The following DOCK6 variants were observed in gnomAD, a reference collection of about 807,000 sequenced individuals.
DOCK6 encodes dedicator of cytokinesis protein 6.
DOCK6 carries 167 observed loss-of-function variants against 230.3 expected under a neutral mutation model. The ratio of observed to expected loss-of-function variants is 0.73; its 90% CI spans 0.64 to 0.82. The LOEUF (loss-of-function observed/expected upper bound fraction) is 0.82. Ranked by LOEUF, DOCK6 falls within the 40% of genes least tolerant of loss-of-function variation. The pLI is 0.00. For missense variants in DOCK6, 2,598 were observed against 2,825.8 expected, an observed-to-expected ratio of 0.92 and a Z score of 1.83; for synonymous variants, 1,148 against 1,185.0, an observed-to-expected ratio of 0.97 and a Z score of 0.64.
chr19:11,262,314 G>T, intron 1 of DOCK6, 83 bp downstream of exon 1: 1 of 897,510 alleles, frequency 1.1e-6, no homozygotes, highest in Non-Finnish European at 1.4e-6. Flanking sequence ...AATTGGGGGC[G>T]CCCGGGCGGG....
chr19:11,212,709 C>T (rs1019696667), intron 35 of DOCK6, among the ~76,000 whole-genome samples: 1 of 151,112 alleles, frequency 6.6e-6, no homozygotes, highest in East Asian at 1.9e-4. Flanking sequence ...ATTACAGGCA[C>T]CCGCCACCAT....
Position 11,227,330 on chromosome 19 carries a change from C to G in DOCK6, c.2955+7G>C. On this transcript the variant is annotated splice_region_variant and intron_variant, in intron 24 of 47. Coordinates refer to ENST00000294618, the MANE Select transcript of DOCK6 (RefSeq NM_020812.4). ...TTCTTCCCACATTGAGACCCTGCAT[C>G]TCTCACCTTGTGGACACGGGTGATG... The G allele has an allele frequency of 6.2e-7, 1 of 1,613,494 alleles. No homozygotes were observed. The highest frequency in any genetic ancestry group is 1.1e-5 in the South Asian group (1 of 91,078).
At chr19:11,223,552 T>C (rs1377416184) in intron 24 of DOCK6, among the ~76,000 whole-genome samples, 2 of 152,202 alleles carry the variant, frequency 1.3e-5, no homozygotes, top group African/African-American at 4.8e-5. Context: ...AAATAAGCTA[T>C]GGTTATTTAA....
chr19:11,245,774 AGAAG>A (rs2080022788), intron 8 of DOCK6, 34 bp downstream of exon 8: 2 of 1,600,396 alleles, frequency 1.2e-6, no homozygotes, highest in Non-Finnish European at 1.7e-6. Context: ...CCCAACAAGG[AGAAG>A]GAAGGGGAGG....
chr19:11,219,174 GTTTTTTTTTTTTT>G (rs778505119), intron 28 of DOCK6, among the ~76,000 whole-genome samples: 2 of 77,274 alleles, frequency 2.6e-5, no homozygotes, highest in African/African-American at 7.3e-5. Flanking sequence ...ACTGCGCCCG[GTTTTTTTTTTTTT>G]TTTTTTTTTT....
intron 1 of DOCK6, 30 bp downstream of exon 1, chr19:11,262,367 A>G: frequency 1.0e-6 from 1 of 957,242 alleles, no homozygotes; most frequent in Non-Finnish European, 1.3e-6. Flanking sequence ...CACGTGGGGG[A>G]GGTGGGAGGG....
chr19:11,210,342 C>G (rs1003465706), intron 37 of DOCK6, among the ~76,000 whole-genome samples: 3 of 150,914 alleles, frequency 2.0e-5, no homozygotes, highest in Non-Finnish European at 4.4e-5. Context: ...CTTCACCTGT[C>G]TCCTTATCTG....
intron 22 of DOCK6, among the ~76,000 whole-genome samples, chr19:11,230,147 C>G (rs749111186): frequency 6.6e-6 from 1 of 150,794 alleles, no homozygotes; most frequent in Non-Finnish European, 1.5e-5. Flanking sequence ...TCCTAGTCAA[C>G]ATGGTGAATG....
Position 11,222,993 on chromosome 19 carries a change from C to T in DOCK6, c.3069G>A (p.Gln1023=). ...VFSLVRAHYK[Q]VATRLQSSPN... ...CCACCCTGCCCACGCCCACTCCTACCTGCTTGTAGTGGGCCCGGACCAGGC... is the reference window on the plus strand; with the variant it reads ...CCACCCTGCCCACGCCCACTCCTACTTGCTTGTAGTGGGCCCGGACCAGGC... The change falls in exon 25 of 48, where the codon CAG becomes CAA. Residue 1023 remains glutamine (Q), a splice_region_variant and synonymous_variant. Transcript: ENST00000294618. This position sits in a 1 kb window ranked among gnomAD's most constrained non-coding sequence, Gnocchi z 4.0. 2 of 1,613,862 alleles carry T rather than the reference C, an allele frequency of 1.2e-6. No homozygotes were observed. The highest frequency in any genetic ancestry group is 1.7e-6 in the Non-Finnish European group (2 of 1,179,864).
At chr19:11,240,424 CCAGA>C (rs1027131440) in intron 14 of DOCK6, 7 of 952,180 alleles carry the variant, frequency 7.4e-6, no homozygotes, top group South Asian at 2.0e-5. Flanking sequence ...CTGCATGTCC[CCAGA>C]CAAAACTCAA....
intron 21 of DOCK6, among the ~76,000 whole-genome samples, chr19:11,233,913 C>A (rs2079808203): frequency 6.6e-6 from 1 of 151,944 alleles, no homozygotes; most frequent in South Asian, 2.1e-4. Flanking sequence ...CAGCTCACTG[C>A]AACCTCTGCC....
At position 11,202,202 on chromosome 19, in the gene DOCK6, T is replaced by C; in HGVS notation, c.5452-77A>G. 1 of 1,496,804 alleles carries C rather than the reference T, an allele frequency of 6.7e-7. No individual in the cohort carries two copies. Among genetic ancestry groups the C allele is most frequent in the Non-Finnish European group, 9.2e-7 (1 of 1,087,028 alleles). The allele number at this position is 1,496,804 out of a possible 1,614,324, so 92.7% of individuals were successfully genotyped here. A position where few individuals can be genotyped will look rare whatever the true frequency, so the allele number is the denominator to read the frequency against. On this transcript the variant is annotated intron_variant, in intron 43 of 47. Transcript: ENST00000294618. The surrounding 1 kb of genome is among the most constrained non-coding windows in gnomAD (Gnocchi z 5.3). ...AAGCCCTGTTCCTGGAGAGAGGGGA[T>C]CTGGGGACTTTGTCATTTCCAAGTC...
In DOCK6 at chr19:11,247,895, C is replaced by T. The variant is rs115261503; in HGVS notation, c.806+171G>A. ...AATTGGCACTTAAGGATTGGAGACT[C>T]GGGATAATGAAAAAGGAAGTCTTCC... On this transcript the variant is annotated intron_variant, in intron 7 of 47. Transcript: ENST00000294618. 7.3e-4 allele frequency: 444 copies of T among 605,540 alleles called. 3 individuals carry two copies. Among genetic ancestry groups the T allele is most frequent in the African/African-American group, 7.0e-3 (384 of 54,748 alleles). 37.5% of individuals were successfully genotyped at this position (605,540 alleles called of 1,614,324 possible).
chr19:11,206,866 CAG>C (rs2079270690), intron 39 of DOCK6, among the ~76,000 whole-genome samples: 1 of 150,616 alleles, frequency 6.6e-6, no homozygotes, highest in Non-Finnish European at 1.5e-5. Context: ...TTTTTGGAGA[CAG>C]AGTCTTGCTC....
Position 11,209,212 on chromosome 19 carries a change from A to G in DOCK6, c.4752-109T>C, listed in dbSNP as rs961606196. ...GGTTACCCCCATGTCCGCCCCAAGGACCAGCCAATCTCCTCACCTGTACCC... is the reference window on the plus strand; with the variant it reads ...GGTTACCCCCATGTCCGCCCCAAGGGCCAGCCAATCTCCTCACCTGTACCC... On this transcript the variant is annotated intron_variant, in intron 37 of 47. Coordinates refer to ENST00000294618, the MANE Select transcript of DOCK6 (RefSeq NM_020812.4). The G allele has an allele frequency of 7.6e-6, 10 of 1,316,372 alleles. No homozygotes were observed. The African/African-American group carries it at 1.3e-4, about 17-fold the overall frequency. 81.5% of individuals were successfully genotyped at this position (1,316,372 alleles called of 1,614,324 possible).
Position 11,243,288 on chromosome 19 carries a change from G to C in DOCK6, c.1356C>G (p.Ala452=). Residue 452 remains alanine, a synonymous_variant, in exon 12 of 48, where the codon GCC becomes GCG. Transcript: ENST00000294618. This position sits in a 1 kb window ranked among gnomAD's most constrained non-coding sequence, Gnocchi z 6.3. ...DACSFSGFRP[A]TLTVTNFFKQ... ...TAAAGAAGTTTGTGACAGTTAGCGTGGCTGGACGGAAGCCAGAGAAGCTGC... is the reference window on the plus strand; with the variant it reads ...TAAAGAAGTTTGTGACAGTTAGCGTCGCTGGACGGAAGCCAGAGAAGCTGC... 1 of 1,607,270 alleles carries C rather than the reference G, an allele frequency of 6.2e-7. No homozygotes were observed.
At position 11,236,186 on chromosome 19, in the gene DOCK6, G is replaced by A; in HGVS notation, c.2392+160C>T. On this transcript the variant is annotated intron_variant, in intron 20 of 47. Coordinates refer to ENST00000294618, the MANE Select transcript of DOCK6 (RefSeq NM_020812.4). The surrounding 1 kb of genome is among the most constrained non-coding windows in gnomAD (Gnocchi z 5.2). ...TGAACCGCTGCACCCGGGCCAAAGGGTCACAGAAGACCTTCTCTGGGTGCA... is the reference window on the plus strand; with the variant it reads ...TGAACCGCTGCACCCGGGCCAAAGGATCACAGAAGACCTTCTCTGGGTGCA... The A allele has an allele frequency of 1.3e-6, 1 of 755,172 alleles. No individual in the cohort carries two copies. Among genetic ancestry groups the A allele is most frequent in the Non-Finnish European group, 2.1e-6 (1 of 478,990 alleles). 46.8% of individuals were successfully genotyped at this position (755,172 alleles called of 1,614,324 possible). A position where few individuals can be genotyped will look rare whatever the true frequency, so the allele number is the denominator to read the frequency against.
intron 30 of DOCK6, 70 bp downstream of exon 30, chr19:11,216,844 G>T: frequency 6.6e-7 from 1 of 1,521,808 alleles, no homozygotes; most frequent in Non-Finnish European, 9.1e-7. Flanking sequence ...CACTCAGCCC[G>T]CAGCACGCTG....
At chr19:11,253,090 T>TA in intron 2 of DOCK6, 132 bp from the exon 3 acceptor site, 1 of 892,624 alleles carries the variant, frequency 1.1e-6, no homozygotes. Context: ...GTGTTGGAGT[T>TA]ACGGAGGAAC....
Sources: gnomAD v4.1 joint callset for allele counts (sites outside exome capture counted in the v4.1 genomes callset) on GRCh38, gnomAD v4.1.1 for gene constraint, Gnocchi (gnomAD v3.1) non-coding constraint, MANE v1.5 for transcripts, NCBI Gene and HGNC (gene_info 2026-07-23, HGNC 2026-07-21) for gene names.